The following PLEKHG2 variants were observed in gnomAD, a reference collection of about 807,000 sequenced individuals.
The protein encoded by PLEKHG2 is pleckstrin homology and RhoGEF domain containing G2.
A neutral mutation model predicts 104.4 loss-of-function variants in PLEKHG2; 71 were observed. The observed-to-expected ratio is 0.68, with a 90% confidence interval of 0.56 to 0.83. PLEKHG2 has a LOEUF of 0.83. PLEKHG2 is among the 40% of genes least tolerant of loss of function. The pLI, the probability that PLEKHG2 is intolerant of heterozygous loss-of-function variation, is 0.00. For missense variants in PLEKHG2, 1,730 were observed against 1,809.4 expected, an observed-to-expected ratio of 0.96 and a Z score of 0.80; for synonymous variants, 728 against 737.0, an observed-to-expected ratio of 0.99 and a Z score of 0.20.
Position 39,420,988 on chromosome 19 carries a change from G to A in PLEKHG2, c.1439G>A (p.Arg480Lys). 7 of 1,614,102 alleles carry A rather than the reference G, an allele frequency of 4.3e-6. No individual in the cohort carries two copies. Among genetic ancestry groups the A allele is most frequent in the Non-Finnish European group, 5.9e-6 (7 of 1,180,038 alleles). The change falls in exon 14 of 19, where the codon AGG (arginine) becomes AAG (lysine). Residue 480 changes from arginine (R) to lysine (K), a missense_variant. Arg to Lys is a conservative substitution (Grantham distance 26). Coordinates refer to ENST00000425673, the MANE Select transcript of PLEKHG2 (RefSeq NM_022835.3). ...PGPSVIRRGR[R>K]QSEPVKDPYV... ...CCCTCTGTGATTCGCCGAGGCCGCA[G>A]GCAGTCTGGTGAGCACTCACCCCTA...
Position 39,424,033 on chromosome 19 carries a change from C to T in PLEKHG2, c.2900C>T (p.Pro967Leu), listed in dbSNP as rs151159047. The T allele has an allele frequency of 3.2e-5, 52 of 1,614,060 alleles. No homozygotes were observed. The highest frequency in any genetic ancestry group is 1.2e-4 in the African/African-American group (9 of 74,988). ...KQEGPLHLQV[P>L]ALTTFSDQGH... ...GAAGGCCCCCTGCACCTCCAGGTGCCGGCTCTTACAACTTTCTCTGATCAA... is the reference window on the plus strand; with the variant it reads ...GAAGGCCCCCTGCACCTCCAGGTGCTGGCTCTTACAACTTTCTCTGATCAA... Residue 967 changes from proline to leucine, a missense_variant, in exon 19 of 19, where the codon CCG (proline) becomes CTG (leucine). Coordinates refer to ENST00000425673, the MANE Select transcript of PLEKHG2 (RefSeq NM_022835.3).
At position 39,416,815 on chromosome 19, in the gene PLEKHG2, C is replaced by G; in HGVS notation, c.594-35C>G. The G allele has an allele frequency of 6.4e-7, 1 of 1,562,626 alleles. No homozygotes were observed. The highest frequency in any genetic ancestry group is 8.7e-7 in the Non-Finnish European group (1 of 1,155,586). On this transcript the variant is annotated intron_variant, in intron 6 of 18. Coordinates refer to ENST00000425673, the MANE Select transcript of PLEKHG2 (RefSeq NM_022835.3). This position sits in a 1 kb window ranked among gnomAD's most constrained non-coding sequence, Gnocchi z 4.5. ...CCCCTCTTGACCCCGCCCACTGGAA[C>G]TGACAATCCCCACTGACCTGTGCTG...
intron 15 of PLEKHG2, 80 bp downstream of exon 15, chr19:39,421,193 G>C (rs1392927681): frequency 6.2e-7 from 1 of 1,612,130 alleles, no homozygotes; most frequent in Non-Finnish European, 8.5e-7. Flanking sequence ...GGGGAGGGGT[G>C]GTTGCTTCAG....
At position 39,415,586 on chromosome 19, in the gene PLEKHG2, G is replaced by A. The variant is rs2078590867; in HGVS notation, c.479+147G>A. 1.3e-6 allele frequency: 1 copy of A among 745,942 alleles called. No individual in the cohort carries two copies. The highest frequency in any genetic ancestry group is 2.0e-6 in the Non-Finnish European group (1 of 498,406). 46.2% of individuals were successfully genotyped at this position (745,942 alleles called of 1,614,324 possible). On this transcript the variant is annotated intron_variant, in intron 4 of 18. Coordinates refer to ENST00000425673, the MANE Select transcript of PLEKHG2 (RefSeq NM_022835.3). This position sits in a 1 kb window ranked among gnomAD's most constrained non-coding sequence, Gnocchi z 4.6. Reference sequence around the variant, plus strand: ...AGGATCAGGGATCACGACTGGGAGGGAGGACCCCGAGTGAGGGAGGGGCAT... The same window carrying A: ...AGGATCAGGGATCACGACTGGGAGGAAGGACCCCGAGTGAGGGAGGGGCAT...
chr19:39,414,402 C>G (rs1044728625), intron 2 of PLEKHG2, among the ~76,000 whole-genome samples: 4 of 152,168 alleles, frequency 2.6e-5, no homozygotes, highest in African/African-American at 9.7e-5. Context: ...ATCCTCTGAG[C>G]TCGGAAGGTC....
In PLEKHG2 at chr19:39,420,769, C is replaced by T. The variant is rs2078686575; in HGVS notation, c.1316C>T (p.Pro439Leu). Residue 439 changes from proline to leucine, a missense_variant, in exon 13 of 19, where the codon CCT becomes CTT. Transcript: ENST00000425673. ...NSLHCAPKSK[P>L]VLEPLTPPLG... ...CCCACAGGTGCCCCCAAAAGTAAGCCTGTCCTAGAGCCCCTGACACCCCCA... is the reference window on the plus strand; with the variant it reads ...CCCACAGGTGCCCCCAAAAGTAAGCTTGTCCTAGAGCCCCTGACACCCCCA... 6.2e-7 allele frequency: 1 copy of T among 1,614,068 alleles called. No individual in the cohort carries two copies. Among genetic ancestry groups the T allele is most frequent in the South Asian group, 1.1e-5 (1 of 91,080 alleles).
rs759468190 is a variant in PLEKHG2 at position 39,418,943 on chromosome 19, G to A, written c.1203G>A (p.Leu401=). ...CCAAGAACCAAGAAGAGAAGAGGCT[G>A]TGGATTCACTGTCTCCAGCGCCTCT... is the stretch of plus-strand genomic sequence containing the variant. ...LQAKNQEEKR[L]WIHCLQRLFF... is the part of the protein sequence containing the mutation. Residue 401 remains leucine (L), a synonymous_variant, in exon 11 of 19, where the codon CTG becomes CTA. Coordinates refer to ENST00000425673, the MANE Select transcript of PLEKHG2 (RefSeq NM_022835.3). 4 of 1,612,974 alleles carry A rather than the reference G, an allele frequency of 2.5e-6. No homozygotes were observed. The African/African-American group carries it at 5.3e-5, about 22-fold the overall frequency.
chr19:39,422,070 G>A (rs2078706556), intron 16 of PLEKHG2, 45 bp from the exon 17 acceptor site: 3 of 1,558,534 alleles, frequency 1.9e-6, no homozygotes, highest in Non-Finnish European at 1.7e-6. Context: ...TCTATGTGAG[G>A]GAGGAGTCTT....
chr19:39,413,998 A>G lies in PLEKHG2; in HGVS notation c.-22-67A>G, dbSNP rs2078560924. On this transcript the variant is annotated intron_variant, in intron 1 of 18. Coordinates refer to ENST00000425673, the MANE Select transcript of PLEKHG2 (RefSeq NM_022835.3). The surrounding 1 kb of genome is among the most constrained non-coding windows in gnomAD (Gnocchi z 4.5). ...ACCACGCTCCTAATTCCCAGCCCCCATCTGTGAGTCTGGGCGGCGGAGAGG... is the reference window on the plus strand; with the variant it reads ...ACCACGCTCCTAATTCCCAGCCCCCGTCTGTGAGTCTGGGCGGCGGAGAGG... 1.8e-6 allele frequency: 2 copies of G among 1,108,876 alleles called. No individual in the cohort carries two copies. Among genetic ancestry groups the G allele is most frequent in the Admixed American group, 4.6e-5 (2 of 43,040 alleles). 68.7% of individuals were successfully genotyped at this position (1,108,876 alleles called of 1,614,324 possible). A position where few individuals can be genotyped will look rare whatever the true frequency, so the allele number is the denominator to read the frequency against.
In PLEKHG2 at chr19:39,424,436, C is replaced by T. The variant is rs781092090; in HGVS notation, c.3303C>T (p.Leu1101=). Reference sequence around the variant, plus strand: ...CCCTACCACCCTTGCCATGTCACCTCCCAGACCTTCAGATTCCAGGTACCT... The same window carrying T: ...CCCTACCACCCTTGCCATGTCACCTTCCAGACCTTCAGATTCCAGGTACCT... ...GDTLPPLPCH[L]PDLQIPGTSP... is the part of the protein sequence containing the mutation. Residue 1101 remains leucine (L), a synonymous_variant, in exon 19 of 19, where the codon CTC becomes CTT. Transcript: ENST00000425673. The T allele has an allele frequency of 1.3e-4, 213 of 1,614,006 alleles. No homozygotes were observed. The highest frequency in any genetic ancestry group is 1.7e-4 in the Non-Finnish European group (200 of 1,180,020).
At position 39,416,380 on chromosome 19, in the gene PLEKHG2, G is replaced by T; in HGVS notation, c.512G>T (p.Ser171Ile). 6.2e-7 allele frequency: 1 copy of T among 1,613,244 alleles called. No homozygotes were observed. The highest frequency in any genetic ancestry group is 8.5e-7 in the Non-Finnish European group (1 of 1,179,826). ...ELLEDLENSSSAGGIAECFVQ... is the reference protein window; with the variant it reads ...ELLEDLENSSIAGGIAECFVQ... ...CTGGAGGACTTGGAGAACAGCAGCA[G>T]CGCCGGGGGTATTGCCGAGTGCTTC... Residue 171 changes from serine (S) to isoleucine (I), a missense_variant, in exon 5 of 19, where the codon AGC becomes ATC. Coordinates refer to ENST00000425673, the MANE Select transcript of PLEKHG2 (RefSeq NM_022835.3). This position sits in a 1 kb window ranked among gnomAD's most constrained non-coding sequence, Gnocchi z 4.5.
Position 39,424,362 on chromosome 19 carries a change from C to G in PLEKHG2, c.3229C>G (p.Pro1077Ala). 6 of 1,614,152 alleles carry G rather than the reference C, an allele frequency of 3.7e-6. No homozygotes were observed. Among genetic ancestry groups the G allele is most frequent in the Non-Finnish European group, 5.1e-6 (6 of 1,180,018 alleles). The change falls in exon 19 of 19, where the codon CCT (proline) becomes GCT (alanine). Residue 1077 changes from proline to alanine, a missense_variant. By Grantham distance (27) the Pro-to-Ala change is conservative. Transcript: ENST00000425673. ...CCCTGTCTGCAGTCAACCCATCCAG[C>G]CTTTGTCTTGGCATGGAAGCAGCCT... The part of the protein sequence containing the change: ...PDPVCSQPIQ[P>A]LSWHGSSLDP...
chr19:39,426,477 G>A lies in PLEKHG2; in HGVS notation c.*1183G>A, dbSNP rs1033031440. ...GCCCAGTGAGAGGCACAATTTAAAC[G>A]GTTTCTTTGGTGATGATATTAGCTA... On this transcript the variant is annotated 3_prime_UTR_variant, in exon 19 of 19. Coordinates refer to ENST00000425673, the MANE Select transcript of PLEKHG2 (RefSeq NM_022835.3). 2 of 152,214 alleles carry A rather than the reference G, an allele frequency of 1.3e-5. No individual in the cohort carries two copies. The highest frequency in any genetic ancestry group is 4.8e-5 in the African/African-American group (2 of 41,436). 9.4% of individuals were successfully genotyped at this position (152,214 alleles called of 1,614,324 possible).
chr19:39,416,274 C>T lies in PLEKHG2; in HGVS notation c.480-74C>T, dbSNP rs1231655220. ...CCCAGCCCCAGCAGACCATTGGGGC[C>T]TCAGCCTCCTGGAGGCCTCCCATGG... On this transcript the variant is annotated intron_variant, in intron 4 of 18. Coordinates refer to ENST00000425673, the MANE Select transcript of PLEKHG2 (RefSeq NM_022835.3). This position sits in a 1 kb window ranked among gnomAD's most constrained non-coding sequence, Gnocchi z 4.5. The T allele has an allele frequency of 1.3e-6, 2 of 1,498,232 alleles. No homozygotes were observed. Among genetic ancestry groups the T allele is most frequent in the Non-Finnish European group, 1.9e-6 (2 of 1,080,976 alleles). The allele number at this position is 1,498,232 out of a possible 1,614,324, so 92.8% of individuals were successfully genotyped here.
In PLEKHG2 at chr19:39,422,932, G is replaced by A; in HGVS notation, c.1878G>A (p.Met626Ile). 3.1e-6 allele frequency: 5 copies of A among 1,613,078 alleles called. No homozygotes were observed. The highest frequency in any genetic ancestry group is 4.2e-6 in the Non-Finnish European group (5 of 1,179,252). The change falls in exon 18 of 19, where the codon ATG becomes ATA. Residue 626 changes from methionine (M) to isoleucine (I), a missense_variant. Physicochemically the swap from Met to Ile is conservative, Grantham distance 10. Transcript: ENST00000425673. ...EGLESSIAAE[M>I]PSIPCLTKIP... ...TCGAAAGTTCCATTGCAGCTGAAAT[G>A]CCCAGCATTCCCTGCCTTACCAAAA...
rs767908920 is a variant in PLEKHG2 at position 39,424,286 on chromosome 19, C to T, written c.3153C>T (p.Thr1051=). The change falls in exon 19 of 19, where the codon ACC becomes ACT. Residue 1051 remains threonine (T), a synonymous_variant. Transcript: ENST00000425673. ...QEGHLDSESP[T]NIPLTKQGGS... ...GTCACCTAGACAGCGAGAGCCCAAC[C>T]AATATCCCACTGACAAAGCAAGGAG... The T allele has an allele frequency of 1.2e-6, 2 of 1,614,104 alleles. No individual in the cohort carries two copies. The highest frequency in any genetic ancestry group is 2.2e-5 in the South Asian group (2 of 91,078).
chr19:39,423,053 G>C lies in PLEKHG2; in HGVS notation c.1999G>C (p.Glu667Gln). The C allele has an allele frequency of 1.9e-6, 3 of 1,614,150 alleles. No homozygotes were observed. The highest frequency in any genetic ancestry group is 1.1e-5 in the South Asian group (1 of 91,086). The change falls in exon 18 of 19, where the codon GAG becomes CAG. Residue 667 changes from glutamate to glutamine, a missense_variant. Glu to Gln is a conservative substitution (Grantham distance 29). Transcript: ENST00000425673. ...PSLSDISDVF[E>Q]MPCLPAIPSV... ...TCTCTCTGACATTTCCGATGTTTTT[G>C]AGATGCCCTGCCTTCCAGCCATACC...
rs921679152 is a variant in PLEKHG2, at chr19:39,427,354, G to A, written c.*2060G>A. ...GAATCCGAATTTTTTTTTTTTTTTAGACGGAGTTTCGCTCTTGTTGCCCAG... is the reference window on the plus strand; with the variant it reads ...GAATCCGAATTTTTTTTTTTTTTTAAACGGAGTTTCGCTCTTGTTGCCCAG... On this transcript the variant is annotated 3_prime_UTR_variant, in exon 19 of 19. Coordinates refer to ENST00000425673, the MANE Select transcript of PLEKHG2 (RefSeq NM_022835.3). 7.5e-6 allele frequency: 1 copy of A among 132,722 alleles called. No individual in the cohort carries two copies. The highest frequency in any genetic ancestry group is 8.0e-5 in the Admixed American group (1 of 12,502). The allele number at this position is 132,722 out of a possible 1,614,324, so 8.2% of individuals were successfully genotyped here.
chr19:39,424,200 C>T lies in PLEKHG2; in HGVS notation c.3067C>T (p.Pro1023Ser), dbSNP rs2078747343. 6.2e-7 allele frequency: 1 copy of T among 1,614,132 alleles called. No individual in the cohort carries two copies. The highest frequency in any genetic ancestry group is 8.5e-7 in the Non-Finnish European group (1 of 1,180,026). Residue 1023 changes from proline to serine, a missense_variant, in exon 19 of 19, where the codon CCC becomes TCC. Pro to Ser is a moderately conservative substitution (Grantham distance 74). Transcript: ENST00000425673. Reference sequence around the variant, plus strand: ...CCACGTTCCCACCACTCCAGCTTTGCCCAAGGAGATTTGTTCTGATTTCAC... The same window carrying T: ...CCACGTTCCCACCACTCCAGCTTTGTCCAAGGAGATTTGTTCTGATTTCAC... ...DIHVPTTPAL[P>S]KEICSDFTVS...
Sources: allele counts gnomAD v4.1 joint callset (sites outside exome capture counted in the v4.1 genomes callset), GRCh38; gene constraint gnomAD v4.1.1; non-coding constraint Gnocchi (gnomAD v3.1); transcripts MANE v1.5; gene names NCBI Gene and HGNC (gene_info 2026-07-23, HGNC 2026-07-21).